The following NCR1 variants were observed in gnomAD, a reference collection of about 807,000 sequenced individuals.
NCR1 encodes the protein NK cell-activating receptor.
In NCR1, 30 loss-of-function variants were observed where a neutral mutation model predicts 32.5. The observed-to-expected ratio is 0.92, with a 90% CI of 0.69 to 1.25. The LOEUF is 1.25. Ranked by LOEUF, NCR1 falls within the 50% of genes most tolerant of loss-of-function variation. NCR1 has a pLI of 0.00. For missense variants in NCR1, 369 were observed against 380.7 expected, an observed-to-expected ratio of 0.97 and a Z score of 0.26; for synonymous variants, 169 against 143.4, an observed-to-expected ratio of 1.18 and a Z score of -1.28.
the NCR1 span, chr19:54,934,665 A>G: frequency 1.9e-6 from 3 of 1,611,460 alleles, no homozygotes; most frequent in African/African-American, 1.3e-5. The surrounding 1 kb of genome is among the most constrained non-coding windows in gnomAD (Gnocchi z 6.7). Context: ...CCAACCTGTG[A>G]AAAGAGTGGG....
chr19:54,910,595 T>C (rs948010449), intron 5 of NCR1, among the ~76,000 whole-genome samples: 4 of 151,210 alleles, frequency 2.6e-5, no homozygotes, highest in Admixed American at 6.6e-5. Flanking sequence ...AACAAAACTA[T>C]TATATATATA....
At chr19:54,912,276 C>T in intron 6 of NCR1, 58 bp downstream of exon 6, 2 of 1,526,014 alleles carry the variant, frequency 1.3e-6, no homozygotes, top group Non-Finnish European at 1.8e-6. Context: ...TAGAGTAGAC[C>T]TAGGAAGGGA....
chr19:54,924,413 C>T, the NCR1 span, among the ~76,000 whole-genome samples: 16,417 of 151,476 alleles, frequency 0.11, 1,071 homozygotes, highest in Middle Eastern at 0.26. Flanking sequence ...GCTTGAGCTC[C>T]GCAGTTCAAG....
At chr19:54,933,839 T>A in the NCR1 span, 1 of 1,010,076 alleles carries the variant, frequency 9.9e-7, no homozygotes, top group East Asian at 2.4e-5. Flanking sequence ...CTTCAGCCCT[T>A]CCTGTTCATC....
In NCR1 at chr19:54,907,189, C is replaced by G. The variant is rs372039210; in HGVS notation, c.355+382C>G. 2.3e-3 allele frequency among the ~76,000 whole-genome samples: 340 copies of G among 149,830 alleles called. 12 individuals carry two copies. The South Asian group carries it at 0.069, about 30-fold the overall frequency. On this transcript the variant is annotated intron_variant, in intron 3 of 6. Transcript: ENST00000291890. ...ATCTGTTTTGAGACGGAGTTTCGCT[C>G]TTGTCACCCAGGCTGGAGTGCAGTG...
the NCR1 span, among the ~76,000 whole-genome samples, chr19:54,935,927 T>G: frequency 6.6e-6 from 1 of 152,094 alleles, no homozygotes; most frequent in African/African-American, 2.4e-5. Context: ...AAAAACTGTC[T>G]TGTGCAAAAC....
the NCR1 span, chr19:54,927,686 C>T: frequency 6.2e-7 from 1 of 1,613,996 alleles, no homozygotes; most frequent in Admixed American, 1.7e-5. Context: ...ATGATTCTGG[C>T]CCAGGTCCAG....
At chr19:54,932,679 G>A in the NCR1 span, among the ~76,000 whole-genome samples, 445 of 151,564 alleles carry the variant, frequency 2.9e-3, 3 homozygotes, top group African/African-American at 9.2e-3. Flanking sequence ...TTCTTGAGAC[G>A]GAGTCTCACT....
intron 5 of NCR1, among the ~76,000 whole-genome samples, chr19:54,911,205 C>T (rs987265269): frequency 2.0e-5 from 3 of 151,746 alleles, no homozygotes; most frequent in Non-Finnish European, 2.9e-5. Flanking sequence ...AAAAATTATC[C>T]GGGCGTGGTG....
chr19:54,914,338 T>C (rs529890187), downstream of NCR1, among the ~76,000 whole-genome samples: 79 of 152,008 alleles, frequency 5.2e-4, no homozygotes, highest in African/African-American at 1.7e-3. Flanking sequence ...ATTAGGTATA[T>C]CTCCTAATGC....
chr19:54,917,315 A>AAAAAAC (rs200282709), downstream of NCR1, among the ~76,000 whole-genome samples: 9 of 150,376 alleles, frequency 6.0e-5, no homozygotes, highest in South Asian at 1.3e-3. Context: ...ACTCCTCAAA[A>AAAAAAC]AAAAACAAAA....
chr19:54,903,364 A>G (rs916738884), upstream of NCR1, among the ~76,000 whole-genome samples: 1 of 134,442 alleles, frequency 7.4e-6, no homozygotes, highest in Non-Finnish European at 1.5e-5. Context: ...ATATACATAC[A>G]TGTATATATA....
chr19:54,908,952 T>C (rs756834076), intron 3 of NCR1, among the ~76,000 whole-genome samples: 81 of 150,410 alleles, frequency 5.4e-4, no homozygotes, highest in Non-Finnish European at 7.7e-4. Context: ...TTAAAAATGG[T>C]TTTAGACGGT....
chr19:54,912,782 G>A lies in NCR1; in HGVS notation c.826G>A (p.Asp276Asn). Residue 276 changes from aspartate to asparagine, a missense_variant, in exon 7 of 7, where the codon GAC (aspartate) becomes AAC (asparagine). By Grantham distance (23) the Asp-to-Asn change is conservative (BLOSUM62 1). Transcript: ENST00000291890. Reference sequence around the variant, plus strand: ...GGCTCTAGTGTGGTTCCTGGTTGAAGACTGGCTCAGCAGGAAGAGGACTAG... The same window carrying A: ...GGCTCTAGTGTGGTTCCTGGTTGAAAACTGGCTCAGCAGGAAGAGGACTAG... Reference protein sequence around the residue: ...LVALVWFLVEDWLSRKRTRER... With the variant: ...LVALVWFLVENWLSRKRTRER... The A allele has an allele frequency of 1.5e-5, 25 of 1,614,120 alleles. No homozygotes were observed. Among genetic ancestry groups the A allele is most frequent in the Non-Finnish European group, 2.1e-5 (25 of 1,180,038 alleles).
At chr19:54,903,510 GCA>G (rs897925182), upstream of NCR1, among the ~76,000 whole-genome samples, 1 of 127,076 alleles carries the variant, frequency 7.9e-6, no homozygotes, top group Non-Finnish European at 1.7e-5. Flanking sequence ...ATGTATACAC[GCA>G]TACATGTGTG....
chr19:54,925,485 C>A, the NCR1 span, among the ~76,000 whole-genome samples: 8 of 152,130 alleles, frequency 5.3e-5, no homozygotes, highest in Non-Finnish European at 1.0e-4. Context: ...ACATGCGTAT[C>A]ATCTCTACAA....
downstream of NCR1, among the ~76,000 whole-genome samples, chr19:54,914,174 T>C (rs2068084400): frequency 7.2e-6 from 1 of 139,702 alleles, no homozygotes; most frequent in South Asian, 2.2e-4. Flanking sequence ...CTTTTTTTTT[T>C]TTTTCTTTTT....
chr19:54,934,540 A>C, the NCR1 span: 49 of 1,614,174 alleles, frequency 3.0e-5, no homozygotes, highest in South Asian at 4.5e-4. This position sits in a 1 kb window ranked among gnomAD's most constrained non-coding sequence, Gnocchi z 6.7. Flanking sequence ...GTACAGCAAC[A>C]TGGCACCCTC....
chr19:54,904,845 C>T (rs2067477135), upstream of NCR1, among the ~76,000 whole-genome samples: 1 of 152,114 alleles, frequency 6.6e-6, no homozygotes, highest in African/African-American at 2.4e-5. Flanking sequence ...ATTTGGTTTT[C>T]TGTTTCTGTG....
Sources: allele counts gnomAD v4.1 joint callset (sites outside exome capture counted in the v4.1 genomes callset), GRCh38; gene constraint gnomAD v4.1.1; non-coding constraint Gnocchi (gnomAD v3.1); transcripts MANE v1.5; gene names NCBI Gene and HGNC (gene_info 2026-07-23, HGNC 2026-07-21).